The following PEMT variants were observed in gnomAD, a reference collection of about 807,000 sequenced individuals.
PEMT encodes phospholipid methyltransferase.
PEMT carries 23 observed loss-of-function variants against 27.4 expected under a neutral mutation model. The observed-to-expected ratio is 0.84, with a 90% CI of 0.60 to 1.19. The LOEUF (loss-of-function observed/expected upper bound fraction) is 1.19. Among genes scored for constraint, PEMT ranks in the 50% most tolerant of loss-of-function variants. The probability of loss-of-function intolerance (pLI) is 0.00; values close to 1 mark genes in which losing one functional copy is unlikely to be tolerated. For missense variants in PEMT, 307 were observed against 310.1 expected, an observed-to-expected ratio of 0.99 and a Z score of 0.07; for synonymous variants, 137 against 139.1, an observed-to-expected ratio of 0.98 and a Z score of 0.11.
At chr17:17,563,052 G>C (rs1246289134) in intron 2 of PEMT, among the ~76,000 whole-genome samples, 2 of 152,164 alleles carry the variant, frequency 1.3e-5, no homozygotes, top group East Asian at 3.9e-4. Context: ...GCCTGCCTTG[G>C]ACACTTACCT....
intron 2 of PEMT, among the ~76,000 whole-genome samples, chr17:17,547,078 C>T (rs1169572890): frequency 6.6e-6 from 1 of 152,242 alleles, no homozygotes; most frequent in Non-Finnish European, 1.5e-5. Flanking sequence ...TGGGGGGCAC[C>T]CAATGTTCCC....
At chr17:17,557,452 A>G (rs1910138263) in intron 2 of PEMT, among the ~76,000 whole-genome samples, 1 of 152,188 alleles carries the variant, frequency 6.6e-6, no homozygotes, top group Non-Finnish European at 1.5e-5. Flanking sequence ...GGAGGAGGAG[A>G]GCCAGGTGTG....
chr17:17,540,250 C>T (rs758294463), intron 2 of PEMT, among the ~76,000 whole-genome samples: 6 of 152,162 alleles, frequency 3.9e-5, no homozygotes, highest in Non-Finnish European at 2.9e-5. Flanking sequence ...CTCCCTCCCC[C>T]GACAGAAGAC....
intron 2 of PEMT, among the ~76,000 whole-genome samples, chr17:17,568,559 T>C (rs1216132600): frequency 6.6e-6 from 1 of 152,072 alleles, no homozygotes; most frequent in South Asian, 2.1e-4. Flanking sequence ...ACTTTACAAA[T>C]GGAGAAACCG....
chr17:17,548,704 A>G (rs896666294), intron 2 of PEMT, among the ~76,000 whole-genome samples: 1 of 152,024 alleles, frequency 6.6e-6, no homozygotes, highest in Non-Finnish European at 1.5e-5. Flanking sequence ...ATGCACCACC[A>G]CGCCTGGCTA....
chr17:17,583,961 A>G (rs1315371520), intron 1 of PEMT, among the ~76,000 whole-genome samples: 1 of 152,206 alleles, frequency 6.6e-6, no homozygotes, highest in Non-Finnish European at 1.5e-5. Context: ...TCCTTTCAGG[A>G]GGGTGAAATG....
chr17:17,530,499 A>G (rs1268789134), intron 2 of PEMT, among the ~76,000 whole-genome samples: 8 of 152,120 alleles, frequency 5.3e-5, no homozygotes, highest in Non-Finnish European at 8.8e-5. Context: ...TCTCCAAAAA[A>G]AAAGAGAGAG....
intron 3 of PEMT, chr17:17,518,126 T>C (rs1906980073): frequency 4.1e-6 from 4 of 985,488 alleles, no homozygotes; most frequent in East Asian, 1.1e-4. Context: ...GCAATTCCGA[T>C]GTGCGCTGGA....
intron 2 of PEMT, among the ~76,000 whole-genome samples, chr17:17,571,216 G>A (rs759469435): frequency 6.6e-5 from 10 of 152,132 alleles, no homozygotes; most frequent in Non-Finnish European, 1.0e-4. Context: ...TGCATGGCAG[G>A]TTCTCGGTGA....
Position 17,505,949 on chromosome 17 carries a change from G to C in PEMT, c.654-101C>G, listed in dbSNP as rs1283919340. Reference sequence around the variant, plus strand: ...CATCAGCTTGAGGGTGTCCAGATGGGACCGGGATCCCCTTCATCCCCCAGA... The same window carrying C: ...CATCAGCTTGAGGGTGTCCAGATGGCACCGGGATCCCCTTCATCCCCCAGA... On this transcript the variant is annotated intron_variant, in intron 6 of 6. Transcript: ENST00000255389. The C allele has an allele frequency of 2.1e-6, 3 of 1,442,902 alleles. No individual in the cohort carries two copies. The South Asian group carries it at 4.4e-5, about 21-fold the overall frequency. The allele number at this position is 1,442,902 out of a possible 1,614,324, so 89.4% of individuals were successfully genotyped here. A position where few individuals can be genotyped will look rare whatever the true frequency, so the allele number is the denominator to read the frequency against.
chr17:17,506,198 C>T (rs958112258), intron 6 of PEMT, 29 bp downstream of exon 6: 31 of 1,500,870 alleles, frequency 2.1e-5, no homozygotes, highest in Admixed American at 3.9e-5. Context: ...CGGGCAGCCA[C>T]GCCCCCACCC....
At chr17:17,510,238 G>A (rs1186357098) in intron 4 of PEMT, among the ~76,000 whole-genome samples, 2 of 152,206 alleles carry the variant, frequency 1.3e-5, no homozygotes, top group African/African-American at 2.4e-5. Flanking sequence ...GCCACAAGGC[G>A]TCCCCCGGCA....
At chr17:17,545,747 T>C (rs1909214992) in intron 2 of PEMT, among the ~76,000 whole-genome samples, 1 of 152,172 alleles carries the variant, frequency 6.6e-6, no homozygotes, top group Admixed American at 6.5e-5. Flanking sequence ...ATGTCCTCCG[T>C]TTTAGAGATG....
intron 2 of PEMT, among the ~76,000 whole-genome samples, chr17:17,574,313 ATC>A (rs1293118058): frequency 1.5e-5 from 2 of 129,704 alleles, no homozygotes; most frequent in Non-Finnish European, 3.2e-5. Flanking sequence ...ATCTTACTGC[ATC>A]TTTTTTTTTT....
intron 5 of PEMT, 123 bp from the exon 6 acceptor site, chr17:17,506,424 G>C: frequency 1.5e-6 from 1 of 648,846 alleles, no homozygotes; most frequent in Non-Finnish European, 2.6e-6. Context: ...GGGCCACTTG[G>C]GCCGACCGAG....
chr17:17,516,091 C>T (rs1906803312), intron 3 of PEMT, among the ~76,000 whole-genome samples: 1 of 152,158 alleles, frequency 6.6e-6, no homozygotes. Flanking sequence ...AAACACTTCC[C>T]TGACTTTGAT....
In PEMT at chr17:17,512,658, TG is replaced by T; in HGVS notation, c.321-5del. The T allele has an allele frequency of 6.6e-7, 1 of 1,517,224 alleles. No individual in the cohort carries two copies. Among genetic ancestry groups the T allele is most frequent in the Non-Finnish European group, 8.9e-7 (1 of 1,124,454 alleles). 94.0% of individuals were successfully genotyped at this position (1,517,224 alleles called of 1,614,324 possible). On this transcript the variant is annotated splice_region_variant and splice_polypyrimidine_tract_variant and intron_variant, in intron 3 of 6. Transcript: ENST00000255389. The surrounding 1 kb of genome is among the most constrained non-coding windows in gnomAD (Gnocchi z 6.3). ...GCTCAGCATGGCCTGCGTGAAGCTGTGGGCAGGGGATGGAGAGGGAGGACGT... is the reference window on the plus strand; with the variant it reads ...GCTCAGCATGGCCTGCGTGAAGCTGTGGCAGGGGATGGAGAGGGAGGACGT...
In PEMT at chr17:17,568,335, G is replaced by A. The variant is rs149435900; in HGVS notation, c.204+8585C>T. On this transcript the variant is annotated intron_variant, in intron 2 of 6. Coordinates refer to ENST00000255389, the MANE Select transcript of PEMT (RefSeq NM_148172.3). ...CGCATTACCTGGTTATGCTCTCTCC[G>A]TAACTCCTTGGTTAATAAGTTGTGA... 6.6e-5 allele frequency among the ~76,000 whole-genome samples: 10 copies of A among 152,294 alleles called. No homozygotes were observed. In the East Asian group the frequency reaches 9.6e-4, roughly 15 times the overall value.
chr17:17,547,745 T>C lies in PEMT; in HGVS notation c.205-25350A>G, dbSNP rs904353721. The stretch of plus-strand genomic sequence containing the variant: ...CCTACCCTGTGCATCTCCTTCCTCA[T>C]GCTCAAGGACAGAACTCCCAGGACC... On this transcript the variant is annotated intron_variant, in intron 2 of 6. Transcript: ENST00000255389. 3.3e-5 allele frequency among the ~76,000 whole-genome samples: 5 copies of C among 152,102 alleles called. No homozygotes were observed. The South Asian group carries it at 8.3e-4, about 25-fold the overall frequency.
Sources: allele counts gnomAD v4.1 joint callset (sites outside exome capture counted in the v4.1 genomes callset), GRCh38; gene constraint gnomAD v4.1.1; non-coding constraint Gnocchi (gnomAD v3.1); transcripts MANE v1.5; gene names NCBI Gene and HGNC (gene_info 2026-07-23, HGNC 2026-07-21).